LOXHD1: variants seen among roughly 807,000 people sequenced by gnomAD.
The protein encoded by LOXHD1 is lipoxygenase homology PLAT domains 1.
In LOXHD1, 205 loss-of-function variants were observed where a neutral mutation model predicts 248.2. That is an observed-to-expected ratio of 0.83 (90% CI 0.74 to 0.93). LOXHD1 has a LOEUF of 0.93. Ranked by LOEUF, LOXHD1 falls within the 40% of genes least tolerant of loss-of-function variation. The probability of loss-of-function intolerance (pLI) is 0.00; values close to 1 mark genes in which losing one functional copy is unlikely to be tolerated. For synonymous variants in LOXHD1, 1,113 were observed against 1,162.8 expected (o/e 0.96, Z 0.87); for missense variants, 2,930 against 2,971.6 (o/e 0.99, Z 0.33).
At chr18:46,559,000 T>C in intron 20 of LOXHD1, 3 of 546,922 alleles carry the variant, frequency 5.5e-6, no homozygotes, top group Non-Finnish European at 9.3e-6. Context: ...TCCACCTCCA[T>C]ATCTTTGCTC....
At chr18:46,554,990 A>T (rs2036021377) in intron 21 of LOXHD1, 1 of 334,800 alleles carries the variant, frequency 3.0e-6, no homozygotes, top group Non-Finnish European at 6.2e-6. Context: ...AAAAGGCAAG[A>T]ATAGCTAATA....
At chr18:46,647,525 C>T (rs1232612034) in intron 2 of LOXHD1, among the ~76,000 whole-genome samples, 1 of 152,192 alleles carries the variant, frequency 6.6e-6, no homozygotes, top group Non-Finnish European at 1.5e-5. Context: ...GAGGCTTCTC[C>T]CTACAGCAGT....
At chr18:46,552,029 G>T (rs1224170216) in intron 21 of LOXHD1, among the ~76,000 whole-genome samples, 1 of 152,146 alleles carries the variant, frequency 6.6e-6, no homozygotes. Context: ...AAAGTGGAAT[G>T]GTGGTTACCA....
At chr18:46,503,492 A>C (rs1390111563) in intron 37 of LOXHD1, among the ~76,000 whole-genome samples, 2 of 152,132 alleles carry the variant, frequency 1.3e-5, no homozygotes, top group African/African-American at 4.8e-5. Flanking sequence ...GATTTTGTGA[A>C]GTGTCTGGGG....
intron 14 of LOXHD1, among the ~76,000 whole-genome samples, chr18:46,575,523 T>C (rs1599019483): frequency 6.6e-6 from 1 of 152,156 alleles, no homozygotes; most frequent in Admixed American, 6.5e-5. Flanking sequence ...GGTATCCTTA[T>C]GAAAAGGGAA....
At chr18:46,555,367 G>C (rs892560208) in intron 21 of LOXHD1, 12 of 340,942 alleles carry the variant, frequency 3.5e-5, no homozygotes, top group African/African-American at 2.6e-4. Flanking sequence ...TCAGGACCCT[G>C]GTTCCCAGCC....
At chr18:46,517,350 G>A (rs1033939295) in intron 34 of LOXHD1, among the ~76,000 whole-genome samples, 2 of 152,162 alleles carry the variant, frequency 1.3e-5, no homozygotes, top group Non-Finnish European at 2.9e-5. Context: ...TCTGGGTATA[G>A]TTTGCAGTGC....
intron 29 of LOXHD1, among the ~76,000 whole-genome samples, chr18:46,527,387 G>A (rs911937480): frequency 1.3e-5 from 2 of 152,178 alleles, no homozygotes; most frequent in African/African-American, 4.8e-5. Flanking sequence ...CCCAAGACTT[G>A]ACAACATCCA....
chr18:46,512,918 G>A (rs934770288), intron 34 of LOXHD1, among the ~76,000 whole-genome samples: 17 of 152,152 alleles, frequency 1.1e-4, no homozygotes, highest in African/African-American at 4.1e-4. Flanking sequence ...ACCTGATGCG[G>A]AGTGAAAGAA....
chr18:46,564,459 G>C (rs115293037), intron 17 of LOXHD1, among the ~76,000 whole-genome samples: 3,639 of 152,184 alleles, frequency 0.024, 93 homozygotes, highest in African/African-American at 0.061. Context: ...TCGAGCCTGG[G>C]AGTCAAGGCT....
In LOXHD1 at chr18:46,630,545, C is replaced by T. The variant is rs764468714; in HGVS notation, c.511+9071G>A. ...ATCCCAAATCTACCTGGAGAGCACA[C>T]GCCATCTTATCAGGCCTTGCCTAAC... is the stretch of plus-strand genomic sequence containing the variant. On this transcript the variant is annotated intron_variant, in intron 4 of 40. Coordinates refer to ENST00000642948, the MANE Select transcript of LOXHD1 (RefSeq NM_001384474.1). Among the ~76,000 whole-genome samples, 7 of 152,198 alleles carry T rather than the reference C, an allele frequency of 4.6e-5. No homozygotes were observed. The East Asian group carries it at 5.8e-4, about 13-fold the overall frequency.
At chr18:46,545,094 G>A (rs945815160) in intron 23 of LOXHD1, among the ~76,000 whole-genome samples, 3 of 152,192 alleles carry the variant, frequency 2.0e-5, no homozygotes, top group African/African-American at 7.2e-5. Context: ...TTATTGGGTG[G>A]AGTCAGGGCT....
intron 35 of LOXHD1, 38 bp downstream of exon 35, chr18:46,509,660 G>T (rs1290873960): frequency 1.4e-6 from 2 of 1,426,506 alleles, no homozygotes; most frequent in Non-Finnish European, 1.9e-6. Context: ...AGGGGTGGGT[G>T]GTGGCTGGAA....
rs146080560 is a variant in LOXHD1 at position 46,544,446 on chromosome 18, C to T, written c.3619+871G>A. On this transcript the variant is annotated intron_variant, in intron 23 of 40. Coordinates refer to ENST00000642948, the MANE Select transcript of LOXHD1 (RefSeq NM_001384474.1). ...TTTGATCATGGTTCAGGAATGATTG[C>T]AATCACATGCATTTGTAGGTTATGA... Among the ~76,000 whole-genome samples, 30 of 152,294 alleles carry T rather than the reference C, an allele frequency of 2.0e-4. No homozygotes were observed. In the East Asian group the frequency reaches 5.6e-3, roughly 28 times the overall value.
chr18:46,564,474 T>A (rs555091053), intron 17 of LOXHD1, among the ~76,000 whole-genome samples: 205 of 152,196 alleles, frequency 1.3e-3, no homozygotes, highest in African/African-American at 4.8e-3. Flanking sequence ...AAGGCTGCAA[T>A]GAGTTATGAT....
intron 34 of LOXHD1, among the ~76,000 whole-genome samples, chr18:46,514,914 T>C (rs553990007): frequency 2.0e-4 from 30 of 152,336 alleles, no homozygotes; most frequent in African/African-American, 6.7e-4. Context: ...ACCAATCGCC[T>C]CAAATCCCTC....
intron 23 of LOXHD1, among the ~76,000 whole-genome samples, chr18:46,544,259 G>A (rs544515558): frequency 6.6e-6 from 1 of 152,334 alleles, no homozygotes; most frequent in African/African-American, 2.4e-5. Flanking sequence ...ATGTTTCTGA[G>A]ACTTGGTTTT....
chr18:46,580,735 T>G (rs1384238974), intron 12 of LOXHD1, among the ~76,000 whole-genome samples: 1 of 152,186 alleles, frequency 6.6e-6, no homozygotes, highest in East Asian at 1.9e-4. Flanking sequence ...AGGGACATCT[T>G]GGAGTGGTAA....
intron 18 of LOXHD1, 65 bp from the exon 19 acceptor site, chr18:46,560,610 C>T: frequency 1.4e-6 from 2 of 1,409,338 alleles, no homozygotes; most frequent in Non-Finnish European, 1.9e-6. Flanking sequence ...CCCAACACCC[C>T]CGCCCAACAA....
Sources: allele counts gnomAD v4.1 joint callset (sites outside exome capture counted in the v4.1 genomes callset), GRCh38; gene constraint gnomAD v4.1.1; transcripts MANE v1.5; gene names NCBI Gene and HGNC (gene_info 2026-07-23, HGNC 2026-07-21).